EXOC6: variants seen among roughly 807,000 people sequenced by gnomAD.
EXOC6 encodes exocyst complex component 6.
Under a neutral mutation model 112.5 loss-of-function variants are expected in EXOC6, and 60 were observed. The observed-to-expected ratio is 0.53, with a 90% CI of 0.43 to 0.66. The LOEUF is 0.66. Among genes scored for constraint, EXOC6 ranks in the 30% least tolerant of loss-of-function variants. The pLI is 0.00. For synonymous variants in EXOC6, 295 were observed against 308.0 expected (o/e 0.96, Z 0.44); for missense variants, 855 against 957.1 (o/e 0.89, Z 1.41).
chr10:92,848,461 T>TCGCGCCACTTGGAG, upstream of EXOC6: 1 of 686,596 alleles, frequency 1.5e-6, no homozygotes. Context: ...CCCTTCGCGC[T>TCGCGCCACTTGGAG]CGCGCCACTT....
Position 92,997,479 on chromosome 10 carries a change from A to G in EXOC6, c.1959A>G (p.Lys653=). ...GGTTTGATTGTTTTAAACAGGGGAAAGTTGCTCAGACAGCTTGCATGTCAG... is the reference window on the plus strand; with the variant it reads ...GGTTTGATTGTTTTAAACAGGGGAAGGTTGCTCAGACAGCTTGCATGTCAG... ...IFQVFTHLPG[K]VAQTACMSAC... Residue 653 remains lysine (K), a synonymous_variant, in exon 19 of 22, where the codon AAA becomes AAG. Transcript: ENST00000260762. 1.2e-6 allele frequency: 2 copies of G among 1,608,666 alleles called. No individual in the cohort carries two copies. Among genetic ancestry groups the G allele is most frequent in the Non-Finnish European group, 1.7e-6 (2 of 1,176,734 alleles).
chr10:92,917,532 T>TC (rs1851167299), intron 7 of EXOC6, among the ~76,000 whole-genome samples: 1 of 124,734 alleles, frequency 8.0e-6, no homozygotes, highest in Admixed American at 8.3e-5. Context: ...TTTTTTTCTT[T>TC]CTTTTTTTTT....
chr10:92,839,054 CAG>C (rs1187376471), intron 1 of EXOC6, among the ~76,000 whole-genome samples: 2 of 151,306 alleles, frequency 1.3e-5, no homozygotes, highest in Non-Finnish European at 2.9e-5. Flanking sequence ...GCCCGGGCGA[CAG>C]AGTGAGACTC....
At chr10:92,827,640 G>A (rs1846408887) in intron 1 of EXOC6, among the ~76,000 whole-genome samples, 1 of 152,040 alleles carries the variant, frequency 6.6e-6, no homozygotes, top group Non-Finnish European at 1.5e-5. Context: ...GTGATATCTT[G>A]TGGCAAAGAA....
intron 18 of EXOC6, among the ~76,000 whole-genome samples, chr10:92,995,942 A>G (rs1432686481): frequency 6.6e-6 from 1 of 152,248 alleles, no homozygotes; most frequent in Admixed American, 6.5e-5. Flanking sequence ...GTGATTTAAC[A>G]AATGTTGTAA....
Position 92,858,273 on chromosome 10 carries a change from A to C in EXOC6, c.101+9639A>C, listed in dbSNP as rs150138828. ...ATATGTAGGTTAATGTTTTTCATCA[A>C]ATTTTGGAAATTTTAAATTATTTCT... On this transcript the variant is annotated intron_variant, in intron 1 of 21. Coordinates refer to ENST00000260762, the MANE Select transcript of EXOC6 (RefSeq NM_019053.6). Among the ~76,000 whole-genome samples the C allele has an allele frequency of 2.4e-4, 37 of 152,130 alleles. No homozygotes were observed. In the East Asian group the frequency reaches 7.2e-3, roughly 29 times the overall value.
At position 92,941,973 on chromosome 10, in the gene EXOC6, A is replaced by G. The variant is rs139658779; in HGVS notation, c.1310+1149A>G. On this transcript the variant is annotated intron_variant, in intron 13 of 21. Transcript: ENST00000260762. The stretch of plus-strand genomic sequence containing the variant: ...TTACATCTTGTTTACCCAAAATATG[A>G]TAGAAGTAATGTGTCAATATTTGAT... Among the ~76,000 whole-genome samples the G allele has an allele frequency of 4.5e-4, 68 of 152,328 alleles. No individual in the cohort carries two copies. The East Asian group carries it at 0.011, about 25-fold the overall frequency.
chr10:92,949,793 A>G (rs1853292346), intron 14 of EXOC6, among the ~76,000 whole-genome samples: 1 of 151,996 alleles, frequency 6.6e-6, no homozygotes, highest in South Asian at 2.1e-4. Flanking sequence ...ACAGGGTTTC[A>G]CCGTGTAGGT....
chr10:93,051,106 G>A (rs1846271952), intron 20 of EXOC6, among the ~76,000 whole-genome samples: 1 of 150,694 alleles, frequency 6.6e-6, no homozygotes. Context: ...AGCAAATATG[G>A]ATGTGTGTAA....
chr10:93,058,084 G>A (rs569086873), intron 21 of EXOC6, 139 bp from the exon 22 acceptor site: 1 of 660,116 alleles, frequency 1.5e-6, no homozygotes, highest in East Asian at 3.2e-5. Flanking sequence ...TGTTTATTTA[G>A]TATCTACTTT....
chr10:92,902,366 C>T (rs1308392545), intron 5 of EXOC6, among the ~76,000 whole-genome samples: 1 of 151,924 alleles, frequency 6.6e-6, no homozygotes, highest in African/African-American at 2.4e-5. Context: ...TAGATTGGTT[C>T]TCTAATTTTC....
chr10:92,971,078 G>A (rs1842274862), intron 17 of EXOC6, among the ~76,000 whole-genome samples: 1 of 152,100 alleles, frequency 6.6e-6, no homozygotes. Context: ...TTGAGACGGA[G>A]TCTCGCTCTG....
intron 1 of EXOC6, among the ~76,000 whole-genome samples, chr10:92,838,652 T>A (rs1376033277): frequency 1.3e-5 from 2 of 152,108 alleles, no homozygotes; most frequent in East Asian, 3.9e-4. Flanking sequence ...AATACCACGG[T>A]GGAAAAGTAG....
Position 92,859,124 on chromosome 10 carries a change from G to GT in EXOC6, c.101+10499dup, listed in dbSNP as rs201248909. On this transcript the variant is annotated intron_variant, in intron 1 of 21. Transcript: ENST00000260762. ...CTTCTGTTTCCTTATATGCCTCATA[G>GT]TTTTTTTTTGTTATTATTGTTGAAA... is the stretch of plus-strand genomic sequence containing the variant. Among the ~76,000 whole-genome samples the GT allele has an allele frequency of 4.7e-3, 717 of 151,688 alleles. 3 individuals carry two copies. Among genetic ancestry groups the GT allele is most frequent in the African/African-American group, 0.015 (601 of 41,370 alleles).
upstream of EXOC6, among the ~76,000 whole-genome samples, chr10:92,832,235 G>A (rs12262584): frequency 5.0e-3 from 764 of 152,228 alleles, 6 homozygotes; most frequent in African/African-American, 0.018. Flanking sequence ...TTCATTCATT[G>A]GATAAGCATT....
At chr10:92,926,051 T>TAAAA (rs200071907) in intron 8 of EXOC6, among the ~76,000 whole-genome samples, 1 of 132,294 alleles carries the variant, frequency 7.6e-6, no homozygotes, top group Non-Finnish European at 1.6e-5. Flanking sequence ...GGTGGACTTT[T>TAAAA]TAAAAAAAAA....
At position 93,003,726 on chromosome 10, in the gene EXOC6, T is replaced by C. The variant is rs991532032; in HGVS notation, c.2095+6111T>C. Among the ~76,000 whole-genome samples the C allele has an allele frequency of 2.0e-5, 3 of 152,202 alleles. No individual in the cohort carries two copies. The East Asian group carries it at 5.8e-4, about 29-fold the overall frequency. On this transcript the variant is annotated intron_variant, in intron 19 of 21. Coordinates refer to ENST00000260762, the MANE Select transcript of EXOC6 (RefSeq NM_019053.6). Reference sequence around the variant, plus strand: ...GTAATAGAGCATAATTAATTGTTTATAGAATATGTATTATGTGTAGAGAGG... The same window carrying C: ...GTAATAGAGCATAATTAATTGTTTACAGAATATGTATTATGTGTAGAGAGG...
chr10:92,845,857 G>C (rs1177913887), upstream of EXOC6, among the ~76,000 whole-genome samples: 1 of 152,104 alleles, frequency 6.6e-6, no homozygotes, highest in Non-Finnish European at 1.5e-5. Flanking sequence ...AGAATCACTT[G>C]AACCCAGGAG....
At position 93,057,465 on chromosome 10, in the gene EXOC6, T is replaced by C. The variant is rs143261951; in HGVS notation, c.2282+429T>C. On this transcript the variant is annotated intron_variant, in intron 21 of 21. Coordinates refer to ENST00000260762, the MANE Select transcript of EXOC6 (RefSeq NM_019053.6). ...TGGATTCTTTGCAGGTAGAGAAATA[T>C]GTGATTTGAAAAAAAAAATACAGTA... 3.2e-3 allele frequency among the ~76,000 whole-genome samples: 485 copies of C among 152,120 alleles called. 3 individuals carry two copies. Among genetic ancestry groups the C allele is most frequent in the African/African-American group, 0.011 (451 of 41,516 alleles).
Sources: allele counts gnomAD v4.1 joint callset (sites outside exome capture counted in the v4.1 genomes callset), GRCh38; gene constraint gnomAD v4.1.1; transcripts MANE v1.5; gene names NCBI Gene and HGNC (gene_info 2026-07-23, HGNC 2026-07-21).